KIAA1958: variants seen among roughly 807,000 people sequenced by gnomAD.
KIAA1958 encodes the protein KIAA1958, also known as uncharacterized protein KIAA1958.
KIAA1958 carries 14 observed loss-of-function variants against 47.2 expected under a neutral mutation model. That is an observed-to-expected ratio of 0.30 (90% CI 0.20 to 0.46). The LOEUF is 0.46. Among genes scored for constraint, KIAA1958 ranks in the 20% least tolerant of loss-of-function variants. The probability of loss-of-function intolerance (pLI) is 1.00; values close to 1 mark genes in which losing one functional copy is unlikely to be tolerated. For missense variants in KIAA1958, 803 were observed against 909.2 expected (o/e 0.88, Z 1.50); for synonymous variants, 354 against 353.3 (o/e 1.00, Z -0.02).
In KIAA1958 at chr9:112,660,457, T is replaced by C. The variant is rs941254204; in HGVS notation, c.*388T>C. The C allele has an allele frequency of 3.9e-5, 8 of 203,494 alleles. No individual in the cohort carries two copies. The highest frequency in any genetic ancestry group is 1.0e-5 in the Non-Finnish European group (1 of 98,714). The allele number at this position is 203,494 out of a possible 1,614,324, so 12.6% of individuals were successfully genotyped here. Reference sequence around the variant, plus strand: ...AAAAATCCCAGTAGCGCAGTAGCTTTAGAACGTTAGGAAGACTGTACACTT... The same window carrying C: ...AAAAATCCCAGTAGCGCAGTAGCTTCAGAACGTTAGGAAGACTGTACACTT... On this transcript the variant is annotated 3_prime_UTR_variant, in exon 4 of 4. Coordinates refer to ENST00000337530, the MANE Select transcript of KIAA1958 (RefSeq NM_133465.4).
Position 112,491,479 on chromosome 9 carries a change from T to G in KIAA1958, c.-25+4361T>G, listed in dbSNP as rs12236775. On this transcript the variant is annotated intron_variant, in intron 1 of 3. Transcript: ENST00000337530. ...CACCTTACTCTCCTCTGGAAATCTA[T>G]GGCCTCTTTAGCTCCAGAGATAGGA... Among the ~76,000 whole-genome samples the G allele has an allele frequency of 5.7e-4, 87 of 152,252 alleles. 1 individual carries two copies. The East Asian group carries it at 0.014, about 24-fold the overall frequency.
chr9:112,565,551 A>T (rs1285629641), intron 1 of KIAA1958, among the ~76,000 whole-genome samples: 7 of 152,354 alleles, frequency 4.6e-5, no homozygotes, highest in East Asian at 1.9e-4. Context: ...CAGCATAGAG[A>T]TTATCATTGA....
intron 1 of KIAA1958, among the ~76,000 whole-genome samples, chr9:112,530,994 C>T (rs1834742166): frequency 6.6e-6 from 1 of 152,190 alleles, no homozygotes; most frequent in Non-Finnish European, 1.5e-5. Flanking sequence ...TTCTGAGTTA[C>T]AGCTGATGAA....
intron 1 of KIAA1958, among the ~76,000 whole-genome samples, chr9:112,493,043 T>C (rs1198518892): frequency 5.9e-5 from 9 of 151,918 alleles, no homozygotes; most frequent in Admixed American, 5.9e-4. Context: ...TGAGCCACTG[T>C]GCCTGGCCAA....
At chr9:112,571,340 T>C (rs1304959183) in intron 1 of KIAA1958, among the ~76,000 whole-genome samples, 11 of 152,232 alleles carry the variant, frequency 7.2e-5, no homozygotes, top group Admixed American at 7.2e-4. Flanking sequence ...TAACATGATG[T>C]AGCTATCCTA....
chr9:112,575,431 A>G (rs1166519020), intron 2 of KIAA1958, among the ~76,000 whole-genome samples, 180 bp downstream of exon 2: 3 of 151,970 alleles, frequency 2.0e-5, no homozygotes, highest in Non-Finnish European at 4.4e-5. Context: ...CATAAGAATT[A>G]TGGCCATATC....
chr9:112,641,460 T>C (rs1249949498), intron 2 of KIAA1958, among the ~76,000 whole-genome samples: 5 of 151,748 alleles, frequency 3.3e-5, no homozygotes, highest in Non-Finnish European at 5.9e-5. Flanking sequence ...TGTAGAGTTT[T>C]TTCTTTGTTC....
chr9:112,488,952 A>G (rs1833916475), intron 1 of KIAA1958, among the ~76,000 whole-genome samples: 1 of 152,236 alleles, frequency 6.6e-6, no homozygotes, highest in Admixed American at 6.5e-5. Flanking sequence ...CTTAAAACCT[A>G]GCAGTGATCA....
intron 1 of KIAA1958, among the ~76,000 whole-genome samples, chr9:112,556,700 A>T (rs1244622327): frequency 6.6e-6 from 1 of 152,242 alleles, no homozygotes; most frequent in Non-Finnish European, 1.5e-5. Context: ...TTTGATTGCA[A>T]TGAAAACGAT....
chr9:112,662,748 TGCCACTGCACTCCA>T lies in KIAA1958; in HGVS notation c.*2683_*2696del, dbSNP rs1837299434. 1 of 152,496 alleles carries T rather than the reference TGCCACTGCACTCCA, an allele frequency of 6.6e-6. No individual in the cohort carries two copies. The allele number at this position is 152,496 out of a possible 1,614,324, so 9.4% of individuals were successfully genotyped here. ...CGGAGGTTGCAGTGAGCCGAGACCA[TGCCACTGCACTCCA>T]GCCTGGGCAACAAAGCTAGACTCCA... On this transcript the variant is annotated 3_prime_UTR_variant, in exon 4 of 4. Transcript: ENST00000337530.
In KIAA1958 at chr9:112,662,432, A is replaced by T. The variant is rs1198675610; in HGVS notation, c.*2363A>T. The T allele has an allele frequency of 2.0e-5, 3 of 151,972 alleles. No individual in the cohort carries two copies. In the South Asian group the frequency reaches 6.3e-4, roughly 32 times the overall value. The allele number at this position is 151,972 out of a possible 1,614,324, so 9.4% of individuals were successfully genotyped here. ...TATGTGTGTGTGTCTGTGTATACAC[A>T]CAAACACATATACATAAGTGTTTAC... On this transcript the variant is annotated 3_prime_UTR_variant, in exon 4 of 4. Coordinates refer to ENST00000337530, the MANE Select transcript of KIAA1958 (RefSeq NM_133465.4).
Position 112,669,354 on chromosome 9 carries a change from C to T in KIAA1958, c.*9285C>T, listed in dbSNP as rs879216741. ...GTTCACTTATGTATATGCAGCTTGA[C>T]TGTTCAACCCAGATTTTTAAACAAT... On this transcript the variant is annotated 3_prime_UTR_variant, in exon 4 of 4. Coordinates refer to ENST00000337530, the MANE Select transcript of KIAA1958 (RefSeq NM_133465.4). The T allele has an allele frequency of 6.6e-6, 1 of 152,216 alleles. No homozygotes were observed. Among genetic ancestry groups the T allele is most frequent in the Non-Finnish European group, 1.5e-5 (1 of 68,030 alleles). The allele number at this position is 152,216 out of a possible 1,614,324, so 9.4% of individuals were successfully genotyped here.
Position 112,574,039 on chromosome 9 carries a change from T to C in KIAA1958, c.-24-18T>C, listed in dbSNP as rs756115351. On this transcript the variant is annotated intron_variant, in intron 1 of 3. Coordinates refer to ENST00000337530, the MANE Select transcript of KIAA1958 (RefSeq NM_133465.4). ...TCTTGGGTAATAATGGCTTCTTCTT[T>C]TGATTATTTCCCTTTAGGAGTGACA... The C allele has an allele frequency of 2.3e-5, 30 of 1,303,272 alleles. No individual in the cohort carries two copies. The highest frequency in any genetic ancestry group is 1.9e-4 in the Middle Eastern group (1 of 5,202). 80.7% of individuals were successfully genotyped at this position (1,303,272 alleles called of 1,614,324 possible). A position where few individuals can be genotyped will look rare whatever the true frequency, so the allele number is the denominator to read the frequency against.
chr9:112,601,711 A>G (rs1206294277), intron 2 of KIAA1958, among the ~76,000 whole-genome samples: 2 of 152,204 alleles, frequency 1.3e-5, no homozygotes, highest in African/African-American at 2.4e-5. Context: ...CTTTAGGACC[A>G]TGTGTTGGTT....
chr9:112,654,322 C>A lies in KIAA1958; in HGVS notation c.1345-4941C>A, dbSNP rs114269311. On this transcript the variant is annotated intron_variant, in intron 3 of 3. Coordinates refer to ENST00000337530, the MANE Select transcript of KIAA1958 (RefSeq NM_133465.4). The stretch of plus-strand genomic sequence containing the variant: ...TCCACATGGTTATTGCAGAAACCAT[C>A]ACATTAGGAGAATGGATAGAATGGA... Among the ~76,000 whole-genome samples, 396 of 152,308 alleles carry A rather than the reference C, an allele frequency of 2.6e-3. 5 individuals carry two copies. Among genetic ancestry groups the A allele is most frequent in the African/African-American group, 9.2e-3 (382 of 41,562 alleles).
At chr9:112,644,740 C>G (rs528113016) in intron 2 of KIAA1958, among the ~76,000 whole-genome samples, 25 of 152,238 alleles carry the variant, frequency 1.6e-4, no homozygotes, top group Non-Finnish European at 3.4e-4. Flanking sequence ...ATTTTTCTCT[C>G]ACTTGACCTT....
At chr9:112,568,967 A>T (rs2131167691) in intron 1 of KIAA1958, among the ~76,000 whole-genome samples, 1 of 132,180 alleles carries the variant, frequency 7.6e-6, no homozygotes, top group Admixed American at 7.9e-5. Context: ...AAAAAAAAAA[A>T]TTGACATATG....
At chr9:112,529,758 T>C (rs1048829797) in intron 1 of KIAA1958, among the ~76,000 whole-genome samples, 1 of 152,212 alleles carries the variant, frequency 6.6e-6, no homozygotes, top group Non-Finnish European at 1.5e-5. Context: ...TTAAAAGTAC[T>C]CTTTTCCCTA....
rs1424663144 is a variant in KIAA1958 at position 112,666,809 on chromosome 9, A to G, written c.*6740A>G. 1 of 152,232 alleles carries G rather than the reference A, an allele frequency of 6.6e-6. No homozygotes were observed. The highest frequency in any genetic ancestry group is 1.5e-5 in the Non-Finnish European group (1 of 68,042). The allele number at this position is 152,232 out of a possible 1,614,324, so 9.4% of individuals were successfully genotyped here. A position where few individuals can be genotyped will look rare whatever the true frequency, so the allele number is the denominator to read the frequency against. On this transcript the variant is annotated 3_prime_UTR_variant, in exon 4 of 4. Coordinates refer to ENST00000337530, the MANE Select transcript of KIAA1958 (RefSeq NM_133465.4). Reference sequence around the variant, plus strand: ...CTCGGAGTCAGAGCTCCTGAGCCAGAGAAATACTAGCTGATGCTTATTACA... The same window carrying G: ...CTCGGAGTCAGAGCTCCTGAGCCAGGGAAATACTAGCTGATGCTTATTACA...
Sources: gnomAD v4.1 joint callset for allele counts (sites outside exome capture counted in the v4.1 genomes callset) on GRCh38, gnomAD v4.1.1 for gene constraint, MANE v1.5 for transcripts, NCBI Gene and HGNC (gene_info 2026-07-23, HGNC 2026-07-21) for gene names.